Variants in XPO5 observed in about 807,000 individuals in gnomAD.
XPO5 encodes exportin-5.
Under a neutral mutation model 160.6 loss-of-function variants are expected in XPO5, and 46 were observed. That is an observed-to-expected ratio of 0.29 (90% CI 0.23 to 0.37). The LOEUF is 0.37. Ranked by LOEUF, XPO5 falls within the 10% of genes least tolerant of loss-of-function variation. XPO5 has a pLI of 1.00. For missense variants in XPO5, 1,090 were observed against 1,463.9 expected (o/e 0.74, Z 4.17); for synonymous variants, 537 against 519.3 (o/e 1.03, Z -0.46).
chr6:43,564,529 C>CAA (rs113474362), intron 8 of XPO5, among the ~76,000 whole-genome samples: 3 of 133,982 alleles, frequency 2.2e-5, no homozygotes, highest in Admixed American at 7.5e-5. Context: ...AACTCCATCT[C>CAA]AAAAAAAAAA....
At chr6:43,571,945 A>C (rs1763030485) in intron 3 of XPO5, among the ~76,000 whole-genome samples, 1 of 152,252 alleles carries the variant, frequency 6.6e-6, no homozygotes, top group Non-Finnish European at 1.5e-5. Flanking sequence ...TTTAGATCTA[A>C]GAATCTTATT....
rs1793329614 is a variant in XPO5 at position 43,523,509 on chromosome 6, A to T, written c.*359T>A. The T allele has an allele frequency of 4.8e-6, 2 of 420,114 alleles. No homozygotes were observed. The highest frequency in any genetic ancestry group is 6.4e-5 in the Admixed American group (2 of 31,288). The allele number at this position is 420,114 out of a possible 1,614,324, so 26.0% of individuals were successfully genotyped here. A position where few individuals can be genotyped will look rare whatever the true frequency, so the allele number is the denominator to read the frequency against. Reference sequence around the variant, plus strand: ...AGCCTTGCTAGTCGCAGGGTTGGGCACAGCACCCTTAGTTACCATTCTGTA... The same window carrying T: ...AGCCTTGCTAGTCGCAGGGTTGGGCTCAGCACCCTTAGTTACCATTCTGTA... On this transcript the variant is annotated 3_prime_UTR_variant, in exon 32 of 32. Transcript: ENST00000265351.
chr6:43,529,100 T>C, intron 23 of XPO5, 175 bp from the exon 24 acceptor site: 1 of 1,043,536 alleles, frequency 9.6e-7, no homozygotes, highest in Non-Finnish European at 1.4e-6. Context: ...TAAATGGCAC[T>C]GATATTGAAT....
In XPO5 at chr6:43,567,336, C is replaced by T; in HGVS notation, c.667G>A (p.Val223Ile). The change falls in exon 7 of 32, where the codon GTA becomes ATA. Residue 223 changes from valine (V) to isoleucine (I), a missense_variant. Physicochemically the swap from Val to Ile is conservative, Grantham distance 29. Around this residue, in one of 3 missense-constraint regions of XPO5, gnomAD observed 110 missense variants for 97.9 expected, o/e 1.12. Coordinates refer to ENST00000265351, the MANE Select transcript of XPO5 (RefSeq NM_020750.3). ...AGAGTATTCAGTGCTGCAACTCCTA[C>T]TCGACAGTTTGCTTGCGCCTACCAG... The part of the protein sequence containing the change: ...QESKAQANCR[V>I]GVAALNTLAG... 4 of 1,607,212 alleles carry T rather than the reference C, an allele frequency of 2.5e-6. No homozygotes were observed. Among genetic ancestry groups the T allele is most frequent in the Non-Finnish European group, 3.4e-6 (4 of 1,177,522 alleles).
intron 12 of XPO5, among the ~76,000 whole-genome samples, chr6:43,558,150 A>G (rs1762210535): frequency 6.6e-6 from 1 of 152,178 alleles, no homozygotes; most frequent in Non-Finnish European, 1.5e-5. Context: ...GAACAGAACT[A>G]GAATATTAGA....
At chr6:43,567,057 C>T (rs1762731850) in intron 7 of XPO5, 112 bp downstream of exon 7, 6 of 1,198,396 alleles carry the variant, frequency 5.0e-6, no homozygotes, top group Non-Finnish European at 6.8e-6. Flanking sequence ...TAAGTTGGCC[C>T]CAAGGAAAAA....
At position 43,561,022 on chromosome 6, in the gene XPO5, C is replaced by T. The variant is rs777962255; in HGVS notation, c.1012-15G>A. On this transcript the variant is annotated splice_polypyrimidine_tract_variant and intron_variant, in intron 9 of 31. Coordinates refer to ENST00000265351, the MANE Select transcript of XPO5 (RefSeq NM_020750.3). ...GAATCTGCACCCTGTAGGAGAAGACCACTATATTAACGGTGTTGATCGAGA... is the reference window on the plus strand; with the variant it reads ...GAATCTGCACCCTGTAGGAGAAGACTACTATATTAACGGTGTTGATCGAGA... 9 of 1,601,048 alleles carry T rather than the reference C, an allele frequency of 5.6e-6. No individual in the cohort carries two copies. The South Asian group carries it at 9.9e-5, about 18-fold the overall frequency.
chr6:43,565,115 T>C (rs1762630889), intron 8 of XPO5, among the ~76,000 whole-genome samples: 2 of 151,182 alleles, frequency 1.3e-5, no homozygotes, highest in South Asian at 4.2e-4. Flanking sequence ...AGAGATGGGG[T>C]TTCACCGTGT....
chr6:43,531,162 G>A (rs1793951152), intron 22 of XPO5, among the ~76,000 whole-genome samples: 1 of 152,210 alleles, frequency 6.6e-6, no homozygotes, highest in South Asian at 2.1e-4. Flanking sequence ...CCTATGAGAA[G>A]TATGCCGCAA....
chr6:43,528,862 G>A lies in XPO5; in HGVS notation c.2741C>T (p.Pro914Leu), dbSNP rs1401574007. ...PPEHYEALVS[P>L]ILGPLFTYLH... ...GTAGGTGAAAAGAGGTCCGAGGATG[G>A]GGGATACCAGGGCTTCATAGTGCTC... Residue 914 changes from proline (P) to leucine (L), a missense_variant, in exon 24 of 32, where the codon CCC (proline) becomes CTC (leucine). By Grantham distance (98) the Pro-to-Leu change is moderately conservative. This residue lies in a region of XPO5 where 810 missense variants were observed against 1,139.0 expected (regional missense o/e 0.71). Coordinates refer to ENST00000265351, the MANE Select transcript of XPO5 (RefSeq NM_020750.3). The A allele has an allele frequency of 6.2e-7, 1 of 1,613,852 alleles. No homozygotes were observed. Among genetic ancestry groups the A allele is most frequent in the Non-Finnish European group, 8.5e-7 (1 of 1,179,856 alleles).
Position 43,523,943 on chromosome 6 carries a change from T to C in XPO5, c.3540A>G (p.Lys1180=), listed in dbSNP as rs1316462188. The C allele has an allele frequency of 6.2e-7, 1 of 1,613,910 alleles. No homozygotes were observed. Among genetic ancestry groups the C allele is most frequent in the Non-Finnish European group, 8.5e-7 (1 of 1,179,914 alleles). ...CCGTCTCCAGCATTGGCTTTGTTTT[T>C]TTGAAAAGTGAGGGAAGATTCTTAA... is the stretch of plus-strand genomic sequence containing the variant. The part of the protein sequence containing the change: ...VHIKNLPSLF[K]KTKPMLETEV... The change falls in exon 32 of 32, where the codon AAA becomes AAG. Residue 1180 remains lysine, a synonymous_variant. Coordinates refer to ENST00000265351, the MANE Select transcript of XPO5 (RefSeq NM_020750.3).
intron 1 of XPO5, among the ~76,000 whole-genome samples, chr6:43,574,396 T>C (rs1763181408): frequency 1.3e-5 from 2 of 150,502 alleles, no homozygotes; most frequent in Admixed American, 1.3e-4. Context: ...TAAAAATATA[T>C]ATTTAATATA....
intron 25 of XPO5, 73 bp from the exon 26 acceptor site, chr6:43,527,804 C>G (rs928898029): frequency 2.8e-5 from 42 of 1,518,198 alleles, no homozygotes; most frequent in Admixed American, 8.8e-5. Context: ...CGACCCTAAT[C>G]AGACTCTCTC....
chr6:43,543,426 C>T (rs748818341), intron 20 of XPO5, among the ~76,000 whole-genome samples: 3 of 152,130 alleles, frequency 2.0e-5, no homozygotes, highest in Non-Finnish European at 4.4e-5. Context: ...GCACCCCAAC[C>T]TGGGCGACAG....
intron 20 of XPO5, among the ~76,000 whole-genome samples, chr6:43,537,627 T>A (rs1487428570): frequency 2.0e-5 from 3 of 152,164 alleles, no homozygotes; most frequent in East Asian, 1.9e-4. Flanking sequence ...GTGCCATATG[T>A]CCTCTAGACA....
chr6:43,530,900 C>T, intron 22 of XPO5, 76 bp from the exon 23 acceptor site: 1 of 1,496,988 alleles, frequency 6.7e-7, no homozygotes, highest in South Asian at 1.4e-5. Flanking sequence ...CCATGAATTT[C>T]ATTTCTAGCC....
Position 43,525,944 on chromosome 6 carries a change from TAAGCTCCATCCTTTCAGAACAGAG to T in XPO5, c.2984-47_2984-24del, listed in dbSNP as rs754523037. Reference sequence around the variant, plus strand: ...CATCTGTTATCAGAGAGTAGAATGTTAAGCTCCATCCTTTCAGAACAGAGAAGAATATCTTGTTCTGACAGAAGC... The same window carrying T: ...CATCTGTTATCAGAGAGTAGAATGTTAAGAATATCTTGTTCTGACAGAAGC... On this transcript the variant is annotated intron_variant, in intron 27 of 31. Coordinates refer to ENST00000265351, the MANE Select transcript of XPO5 (RefSeq NM_020750.3). 7 of 1,612,396 alleles carry T rather than the reference TAAGCTCCATCCTTTCAGAACAGAG, an allele frequency of 4.3e-6. No homozygotes were observed. The East Asian group carries it at 1.6e-4, about 36-fold the overall frequency.
At chr6:43,547,810 G>T in intron 18 of XPO5, 103 bp from the exon 19 acceptor site, 1 of 907,010 alleles carries the variant, frequency 1.1e-6, no homozygotes, top group Non-Finnish European at 1.7e-6. Flanking sequence ...CTTAAGAGCA[G>T]TTTTTATAGT....
rs1190650497 is a variant in XPO5, at chr6:43,560,071, A to AG, written c.1221+106dup. ...TGGGCTCAAGCGATCCTCCCGCCTC[A>AG]GCCTTCCATAGAGCTGGGATTATAG... On this transcript the variant is annotated intron_variant, in intron 11 of 31. Coordinates refer to ENST00000265351, the MANE Select transcript of XPO5 (RefSeq NM_020750.3). 5 of 1,368,042 alleles carry AG rather than the reference A, an allele frequency of 3.7e-6. No homozygotes were observed. In the African/African-American group the frequency reaches 7.2e-5, roughly 20 times the overall value. The allele number at this position is 1,368,042 out of a possible 1,614,324, so 84.7% of individuals were successfully genotyped here. A position where few individuals can be genotyped will look rare whatever the true frequency, so the allele number is the denominator to read the frequency against.
Sources: gnomAD v4.1 joint callset for allele counts (sites outside exome capture counted in the v4.1 genomes callset) on GRCh38, gnomAD v4.1.1 for gene constraint, gnomAD v4.1.1 regional missense constraint, MANE v1.5 for transcripts, NCBI Gene and HGNC (gene_info 2026-07-23, HGNC 2026-07-21) for gene names.